Variants in CHLSN observed in about 807,000 individuals in gnomAD.
CHLSN encodes the protein protein cholesin.
At chr7:1,084,477 C>T in the CHLSN span, among the ~76,000 whole-genome samples, 2 of 152,246 alleles carry the variant, frequency 1.3e-5, no homozygotes, top group East Asian at 1.9e-4. Context: ...GTGGATCCGG[C>T]GCGTGGTACT....
chr7:997,910 G>A, the CHLSN span: 19 of 1,080,094 alleles, frequency 1.8e-5, no homozygotes, highest in Admixed American at 2.4e-5. Context: ...TCAGGCTTCC[G>A]TCCTCCCACT....
At chr7:1,098,094 G>A in the CHLSN span, among the ~76,000 whole-genome samples, 1 of 152,160 alleles carries the variant, frequency 6.6e-6, no homozygotes, top group South Asian at 2.1e-4. Context: ...CTGCCTCAAA[G>A]TCCATTTCCC....
the CHLSN span, among the ~76,000 whole-genome samples, chr7:1,001,908 G>A: frequency 1.1e-5 from 1 of 94,616 alleles, no homozygotes; most frequent in African/African-American, 4.1e-5. Context: ...TGTGGGTGGG[G>A]AGTCCTGCGG....
At chr7:994,842 C>CA in the CHLSN span, among the ~76,000 whole-genome samples, 2 of 152,266 alleles carry the variant, frequency 1.3e-5, no homozygotes, top group Non-Finnish European at 2.9e-5. Context: ...TGCTTTGTCA[C>CA]AGCCCATCGC....
chr7:1,032,819 G>A, the CHLSN span, among the ~76,000 whole-genome samples: 25 of 152,238 alleles, frequency 1.6e-4, no homozygotes, highest in African/African-American at 5.8e-4. Context: ...AAAGCACGAT[G>A]CTAGGGTACT....
the CHLSN span, among the ~76,000 whole-genome samples, chr7:1,016,660 AGCG>A: frequency 5.2e-5 from 4 of 77,368 alleles, no homozygotes; most frequent in African/African-American, 9.0e-5. Flanking sequence ...AGCACACAGC[AGCG>A]CACAGCAGCA....
the CHLSN span, chr7:1,127,139 G>T: frequency 8.0e-7 from 1 of 1,245,772 alleles, no homozygotes. Flanking sequence ...CCACGCCTCC[G>T]CACCTGTTCC....
At chr7:1,101,093 C>A in the CHLSN span, among the ~76,000 whole-genome samples, 1 of 152,244 alleles carries the variant, frequency 6.6e-6, no homozygotes, top group Admixed American at 6.5e-5. Flanking sequence ...GTCATGGTGG[C>A]CCCTGAGGTG....
the CHLSN span, among the ~76,000 whole-genome samples, chr7:1,117,693 G>A: frequency 3.4e-5 from 5 of 146,594 alleles, no homozygotes; most frequent in African/African-American, 1.3e-4. Context: ...CATCACTACA[G>A]CTCTACGGAC....
chr7:1,135,427 TCTGTTTACA>T, the CHLSN span, among the ~76,000 whole-genome samples: 1 of 152,066 alleles, frequency 6.6e-6, no homozygotes, highest in Admixed American at 6.6e-5. Context: ...ACTCCTGACC[TCTGTTTACA>T]CTGTTTATAC....
the CHLSN span, among the ~76,000 whole-genome samples, chr7:1,014,090 C>T: frequency 3.3e-5 from 5 of 152,294 alleles, no homozygotes; most frequent in South Asian, 4.1e-4. Flanking sequence ...TCAAGCAACG[C>T]GGCACTCGTG....
At chr7:1,094,105 GC>G in the CHLSN span, among the ~76,000 whole-genome samples, 1 of 152,248 alleles carries the variant, frequency 6.6e-6, no homozygotes, top group Non-Finnish European at 1.5e-5. Context: ...GACCTAAGCT[GC>G]CTTTCTAGAA....
the CHLSN span, chr7:1,028,154 C>A: frequency 3.7e-6 from 3 of 804,520 alleles, no homozygotes; most frequent in Non-Finnish European, 4.5e-6. Flanking sequence ...ACGCCACGGC[C>A]TCCCACGGGA....
At chr7:1,110,762 A>T in the CHLSN span, among the ~76,000 whole-genome samples, 2 of 152,258 alleles carry the variant, frequency 1.3e-5, no homozygotes, top group South Asian at 4.1e-4. Context: ...TTAGTTTAAG[A>T]AGTGTGTTTG....
chr7:1,019,676 C>T, the CHLSN span, among the ~76,000 whole-genome samples: 1 of 152,230 alleles, frequency 6.6e-6, no homozygotes, highest in East Asian at 1.9e-4. Flanking sequence ...ACCTCCAGGC[C>T]CATCACCACG....
the CHLSN span, chr7:1,091,434 G>A: frequency 2.9e-5 from 11 of 384,078 alleles, no homozygotes; most frequent in Middle Eastern, 6.9e-4. Context: ...AGCTCCACGC[G>A]GGACTGTGCA....
the CHLSN span, among the ~76,000 whole-genome samples, chr7:1,037,494 A>G: frequency 2.9e-5 from 4 of 137,876 alleles, no homozygotes; most frequent in East Asian, 8.0e-4. Flanking sequence ...GATCCCGCCA[A>G]CCTCAGCCTC....
chr7:1,123,624 T>C, the CHLSN span, among the ~76,000 whole-genome samples: 18 of 151,344 alleles, frequency 1.2e-4, no homozygotes, highest in African/African-American at 3.9e-4. This position sits in a 1 kb window ranked among gnomAD's most constrained non-coding sequence, Gnocchi z 4.4. Flanking sequence ...CAATTTCCCA[T>C]GAGAACCAGG....
chr7:1,079,588 G>T, the CHLSN span, among the ~76,000 whole-genome samples: 2 of 152,370 alleles, frequency 1.3e-5, no homozygotes, highest in South Asian at 4.1e-4. Flanking sequence ...CCAGCGTGCT[G>T]AGGGAATCTG....
Sources: allele counts gnomAD v4.1 joint callset (sites outside exome capture counted in the v4.1 genomes callset), GRCh38; gene constraint gnomAD v4.1.1; non-coding constraint Gnocchi (gnomAD v3.1); transcripts MANE v1.5; gene names NCBI Gene and HGNC (gene_info 2026-07-23, HGNC 2026-07-21).